The following NBEA variants were observed in gnomAD, a reference collection of about 807,000 sequenced individuals.
NBEA encodes neurobeachin.
In NBEA, 44 loss-of-function variants were observed where a neutral mutation model predicts 343.4. That is an observed-to-expected ratio of 0.13 (90% CI 0.10 to 0.16). The LOEUF (loss-of-function observed/expected upper bound fraction) is 0.16, where lower values mean the gene tolerates loss of function less well. Among genes scored for constraint, NBEA ranks in the 10% least tolerant of loss-of-function variants. The pLI, the probability that NBEA is intolerant of heterozygous loss-of-function variation, is 1.00. For missense variants in NBEA, 2,555 were observed against 3,631.3 expected (o/e 0.70, Z 7.62); for synonymous variants, 1,175 against 1,238.7 (o/e 0.95, Z 1.08).
At chr13:35,230,355 A>G (rs1194015592) in intron 33 of NBEA, among the ~76,000 whole-genome samples, 2 of 152,104 alleles carry the variant, frequency 1.3e-5, no homozygotes, top group South Asian at 2.1e-4. Flanking sequence ...AAAGTTCTCA[A>G]CCTAGGATAA....
chr13:35,547,747 A>G (rs2079125825), intron 41 of NBEA, among the ~76,000 whole-genome samples: 1 of 152,000 alleles, frequency 6.6e-6, no homozygotes, highest in Non-Finnish European at 1.5e-5. Context: ...AATTAGCCGG[A>G]TGGTAATGGC....
chr13:35,577,222 A>G (rs1220210215), intron 45 of NBEA, among the ~76,000 whole-genome samples: 1 of 152,202 alleles, frequency 6.6e-6, no homozygotes, highest in Non-Finnish European at 1.5e-5. Context: ...TGCTGCAGTC[A>G]TAGTGCCAAT....
intron 34 of NBEA, among the ~76,000 whole-genome samples, chr13:35,236,486 G>C (rs1271855459): frequency 6.6e-6 from 1 of 151,718 alleles, no homozygotes; most frequent in Admixed American, 6.6e-5. Context: ...TTGCTCTGTC[G>C]CCCAGGCTGG....
chr13:35,315,180 A>G (rs1192008806), intron 36 of NBEA, among the ~76,000 whole-genome samples: 1 of 152,220 alleles, frequency 6.6e-6, no homozygotes, highest in Non-Finnish European at 1.5e-5. Flanking sequence ...GGGAATGAAG[A>G]TAAAAATCTT....
Position 35,153,542 on chromosome 13 carries a change from T to C in NBEA, c.2446-2232T>C, listed in dbSNP as rs532901123. 5.3e-5 allele frequency among the ~76,000 whole-genome samples: 8 copies of C among 152,350 alleles called. No homozygotes were observed. In the South Asian group the frequency reaches 1.7e-3, roughly 32 times the overall value. ...TTGAATTGAGTTTCTGAGTATATGT[T>C]TGTCATTTTAAAAACCTTTATATTT... On this transcript the variant is annotated intron_variant, in intron 18 of 58. Coordinates refer to ENST00000379939, the MANE Select transcript of NBEA (RefSeq NM_001385012.1).
At chr13:35,153,770 A>G (rs1051583345) in intron 18 of NBEA, among the ~76,000 whole-genome samples, 3 of 152,290 alleles carry the variant, frequency 2.0e-5, no homozygotes, top group Admixed American at 2.0e-4. Flanking sequence ...CACTTTAACT[A>G]TCACGGGAGA....
At chr13:35,337,325 A>T (rs1336026388) in intron 36 of NBEA, among the ~76,000 whole-genome samples, 2 of 152,130 alleles carry the variant, frequency 1.3e-5, no homozygotes, top group Admixed American at 6.6e-5. Flanking sequence ...AACGTATTCC[A>T]TACAAATAGA....
At chr13:35,493,390 A>G (rs1384664510) in intron 41 of NBEA, among the ~76,000 whole-genome samples, 1 of 151,982 alleles carries the variant, frequency 6.6e-6, no homozygotes, top group Non-Finnish European at 1.5e-5. Flanking sequence ...GGAGCCAGGG[A>G]ATTCATAGAC....
intron 35 of NBEA, among the ~76,000 whole-genome samples, chr13:35,303,778 A>T (rs1444788645): frequency 6.6e-6 from 1 of 152,066 alleles, no homozygotes; most frequent in Non-Finnish European, 1.5e-5. Context: ...TTCATCATAA[A>T]AACTTCACAA....
rs139508021 is a variant in NBEA at position 35,646,345 on chromosome 13, C to T, written c.7767C>T (p.His2589=). The change falls in exon 51 of 59, where the codon CAC becomes CAT. Residue 2589 remains histidine (H), a synonymous_variant. Transcript: ENST00000379939. ...EPHPPRSSAM[H]LCFLPQSPLM... ...ATCCGCCTCGGAGCTCTGCCATGCA[C>T]CTGGTAAGACATATCAGCATGTTGA... 1,639 of 1,611,004 alleles carry T rather than the reference C, an allele frequency of 1.0e-3. 6 individuals carry two copies. The Middle Eastern group carries it at 0.017, about 17-fold the overall frequency.
chr13:35,645,969 G>A (rs1179469006), intron 50 of NBEA, 38 bp downstream of exon 50: 1 of 1,306,124 alleles, frequency 7.7e-7, no homozygotes, highest in Non-Finnish European at 1.1e-6. Flanking sequence ...GTGTTCTTTG[G>A]TCTTTAGCTG....
chr13:35,217,508 C>G (rs989422061), intron 33 of NBEA, among the ~76,000 whole-genome samples: 5 of 151,980 alleles, frequency 3.3e-5, no homozygotes, highest in African/African-American at 1.2e-4. Flanking sequence ...AGTTGTTTTA[C>G]TTTTAAGTCT....
At chr13:35,639,269 A>C (rs2083831641) in intron 49 of NBEA, among the ~76,000 whole-genome samples, 1 of 152,232 alleles carries the variant, frequency 6.6e-6, no homozygotes. Flanking sequence ...TTTATAAAGC[A>C]AGAAACAACA....
intron 40 of NBEA, among the ~76,000 whole-genome samples, chr13:35,471,239 A>G (rs1566181349): frequency 1.3e-5 from 2 of 152,124 alleles, no homozygotes; most frequent in East Asian, 1.9e-4. Context: ...GTGCTGCGCC[A>G]GGGAAAGCCA....
chr13:35,074,290 A>G (rs541886410), intron 10 of NBEA, among the ~76,000 whole-genome samples: 4 of 152,248 alleles, frequency 2.6e-5, no homozygotes, highest in African/African-American at 9.6e-5. Flanking sequence ...TATTGAGTAC[A>G]TGTTATTGAG....
chr13:35,634,109 C>G (rs986701801), intron 49 of NBEA, among the ~76,000 whole-genome samples: 5 of 152,122 alleles, frequency 3.3e-5, no homozygotes, highest in African/African-American at 9.7e-5. Flanking sequence ...CTTTGGAAAG[C>G]CGAGGCAGGC....
chr13:35,583,197 T>C (rs1593287598), intron 45 of NBEA, among the ~76,000 whole-genome samples: 1 of 152,184 alleles, frequency 6.6e-6, no homozygotes, highest in Non-Finnish European at 1.5e-5. Flanking sequence ...ATTTTGAGAC[T>C]GTGATGCAAT....
At chr13:35,390,175 G>A (rs1468781718) in intron 38 of NBEA, among the ~76,000 whole-genome samples, 1 of 151,534 alleles carries the variant, frequency 6.6e-6, no homozygotes, top group Non-Finnish European at 1.5e-5. Flanking sequence ...GTACAATAAA[G>A]CAATCCCTCC....
intron 41 of NBEA, chr13:35,475,998 C>A (rs1464024344): frequency 6.2e-7 from 1 of 1,614,224 alleles, no homozygotes; most frequent in Admixed American, 1.7e-5. Flanking sequence ...GCGGCTCCTG[C>A]ACTTCCACTT....
Sources: allele counts gnomAD v4.1 joint callset (sites outside exome capture counted in the v4.1 genomes callset), GRCh38; gene constraint gnomAD v4.1.1; transcripts MANE v1.5; gene names NCBI Gene and HGNC (gene_info 2026-07-23, HGNC 2026-07-21).